MYO10: variants seen among roughly 807,000 people sequenced by gnomAD.
MYO10 encodes the protein unconventional myosin-X.
In MYO10, 133 loss-of-function variants were observed where a neutral mutation model predicts 257.3. The ratio of observed to expected loss-of-function variants is 0.52; its 90% CI spans 0.45 to 0.60. MYO10 has a LOEUF of 0.60. Among genes scored for constraint, MYO10 ranks in the 20% least tolerant of loss-of-function variants. MYO10 has a pLI of 0.00. For missense variants in MYO10, 2,399 were observed against 2,635.7 expected, an observed-to-expected ratio of 0.91 and a Z score of 1.97; for synonymous variants, 1,104 against 1,028.6, an observed-to-expected ratio of 1.07 and a Z score of -1.40.
chr5:16,828,371 C>A (rs76305310), intron 2 of MYO10, among the ~76,000 whole-genome samples: 1 of 151,988 alleles, frequency 6.6e-6, no homozygotes, highest in Admixed American at 6.6e-5. Context: ...TTTGGGAAGA[C>A]GAGGTCAGCA....
chr5:16,699,462 G>C lies in MYO10; in HGVS notation c.3544C>G (p.Leu1182Val). 1 of 1,613,786 alleles carries C rather than the reference G, an allele frequency of 6.2e-7. No homozygotes were observed. Among genetic ancestry groups the C allele is most frequent in the Non-Finnish European group, 8.5e-7 (1 of 1,179,834 alleles). Residue 1182 changes from leucine (L) to valine (V), a missense_variant, in exon 26 of 41, where the codon CTG becomes GTG. This residue lies in a region of MYO10 where 1,820 missense variants were observed against 1,939.4 expected (regional missense o/e 0.94). Transcript: ENST00000513610. The stretch of plus-strand genomic sequence containing the variant: ...GCTGCAGTCATACCTTTCATGTACA[G>C]AAAGCTGTGGAAATACGGCAGAGTG... The part of the protein sequence containing the change: ...CVTLPYFHSF[L>V]YMKGGLMNSW...
intron 39 of MYO10, among the ~76,000 whole-genome samples, chr5:16,668,673 T>C (rs1736293288): frequency 1.3e-5 from 2 of 152,196 alleles, no homozygotes; most frequent in African/African-American, 2.4e-5. Flanking sequence ...TCTCACGCTT[T>C]TGGGAAAACC....
chr5:16,725,078 CTTT>C (rs34100971), intron 19 of MYO10, among the ~76,000 whole-genome samples: 811 of 74,794 alleles, frequency 0.011, no homozygotes, highest in African/African-American at 0.039. Flanking sequence ...CCTTCTTCTT[CTTT>C]TTTTTTTTTT....
Position 16,780,721 on chromosome 5 carries a change from T to A in MYO10, c.741+7A>T, listed in dbSNP as rs770459331. On this transcript the variant is annotated splice_region_variant and intron_variant, in intron 7 of 40. Transcript: ENST00000513610. ...AAGAAAATGTGGATTAAATCACGTT[T>A]ACTTACTTTTTCTAATAAATCTTCA... The A allele has an allele frequency of 6.4e-7, 1 of 1,572,416 alleles. No homozygotes were observed. Among genetic ancestry groups the A allele is most frequent in the South Asian group, 1.2e-5 (1 of 85,562 alleles).
chr5:16,878,877 C>G (rs758888186), intron 1 of MYO10, among the ~76,000 whole-genome samples: 1 of 151,646 alleles, frequency 6.6e-6, no homozygotes. Flanking sequence ...ACAACAGGTA[C>G]AGTGGACACT....
At chr5:16,926,671 C>T (rs982843999) in intron 1 of MYO10, among the ~76,000 whole-genome samples, 1 of 150,518 alleles carries the variant, frequency 6.6e-6, no homozygotes. Flanking sequence ...CACTACACTC[C>T]AGCCTGGGCG....
At chr5:16,699,384 TCAG>T in intron 26 of MYO10, 63 bp downstream of exon 26, 1 of 1,561,802 alleles carries the variant, frequency 6.4e-7, no homozygotes, top group Admixed American at 1.8e-5. Context: ...CCGCCATCCA[TCAG>T]CCCGGATAAA....
At chr5:16,723,278 C>T (rs1739226422) in intron 19 of MYO10, among the ~76,000 whole-genome samples, 1 of 151,952 alleles carries the variant, frequency 6.6e-6, no homozygotes, top group Non-Finnish European at 1.5e-5. Flanking sequence ...GTTCCAGCTA[C>T]TGGGGAGGCT....
At chr5:16,870,078 C>T (rs960494582) in intron 2 of MYO10, among the ~76,000 whole-genome samples, 3 of 151,292 alleles carry the variant, frequency 2.0e-5, no homozygotes, top group Non-Finnish European at 4.4e-5. Context: ...CATGGCTCTG[C>T]TTTTTCTCCA....
chr5:16,699,948 G>T (rs539900905), intron 25 of MYO10, among the ~76,000 whole-genome samples: 2 of 152,146 alleles, frequency 1.3e-5, no homozygotes, highest in Admixed American at 1.3e-4. Flanking sequence ...AGATATACTT[G>T]AATCCAAAGG....
intron 27 of MYO10, among the ~76,000 whole-genome samples, chr5:16,694,106 C>T (rs1003278162): frequency 4.6e-5 from 7 of 152,222 alleles, no homozygotes; most frequent in East Asian, 1.9e-4. Flanking sequence ...CATTCAATTC[C>T]GTTTCCACCA....
At chr5:16,687,671 G>GA (rs1252973425) in intron 28 of MYO10, among the ~76,000 whole-genome samples, 1 of 151,956 alleles carries the variant, frequency 6.6e-6, no homozygotes, top group East Asian at 1.9e-4. Context: ...TCCTAAGGGA[G>GA]AAAAATGTGA....
chr5:16,900,179 G>T (rs1441710436), intron 1 of MYO10, among the ~76,000 whole-genome samples: 1 of 152,118 alleles, frequency 6.6e-6, no homozygotes, highest in East Asian at 1.9e-4. Flanking sequence ...AATTGCACAG[G>T]TCGGTTCCTT....
In MYO10 at chr5:16,880,939, CAT is replaced by C. The variant is rs1350554705; in HGVS notation, c.22-3234_22-3233del. On this transcript the variant is annotated intron_variant, in intron 1 of 40. Coordinates refer to ENST00000513610, the MANE Select transcript of MYO10 (RefSeq NM_012334.3). ...CTTTTTTCGGCCTCTCTTTAATTCACATGTCAGGGACTGCAATATTTGAAAGC... is the reference window on the plus strand; with the variant it reads ...CTTTTTTCGGCCTCTCTTTAATTCACGTCAGGGACTGCAATATTTGAAAGC... Among the ~76,000 whole-genome samples, 5 of 152,322 alleles carry C rather than the reference CAT, an allele frequency of 3.3e-5. No homozygotes were observed. The East Asian group carries it at 9.6e-4, about 29-fold the overall frequency.
chr5:16,910,260 T>G (rs943157310), intron 1 of MYO10, among the ~76,000 whole-genome samples: 3 of 152,172 alleles, frequency 2.0e-5, no homozygotes, highest in Non-Finnish European at 4.4e-5. Flanking sequence ...AAAATAAAAT[T>G]TTTAAAAATC....
intron 3 of MYO10, among the ~76,000 whole-genome samples, chr5:16,810,488 C>T (rs771528402): frequency 6.6e-6 from 1 of 152,162 alleles, no homozygotes; most frequent in Non-Finnish European, 1.5e-5. Context: ...TAGAGAAATT[C>T]TCCTTTCAGA....
Position 16,666,658 on chromosome 5 carries a change from C to A in MYO10, c.*34G>T. On this transcript the variant is annotated 3_prime_UTR_variant, in exon 41 of 41. Coordinates refer to ENST00000513610, the MANE Select transcript of MYO10 (RefSeq NM_012334.3). ...AGCCTAGGCCAGAGGGTGGTGCGTT[C>A]AGGTAGCAAAGACAGGTGGGCTCTG... 1.3e-6 allele frequency: 2 copies of A among 1,545,340 alleles called. No homozygotes were observed. Among genetic ancestry groups the A allele is most frequent in the Non-Finnish European group, 1.8e-6 (2 of 1,142,394 alleles).
intron 27 of MYO10, among the ~76,000 whole-genome samples, chr5:16,692,755 CATA>C (rs1371700265): frequency 6.7e-6 from 1 of 148,486 alleles, no homozygotes; most frequent in Non-Finnish European, 1.5e-5. Context: ...TGAAGTTTTC[CATA>C]ATAACTCACT....
chr5:16,728,378 T>C (rs1561213073), intron 19 of MYO10, among the ~76,000 whole-genome samples: 1 of 152,170 alleles, frequency 6.6e-6, no homozygotes, highest in East Asian at 1.9e-4. Flanking sequence ...CACCAACTCC[T>C]TGGGGATGAG....
Sources: allele counts gnomAD v4.1 joint callset (sites outside exome capture counted in the v4.1 genomes callset), GRCh38; gene constraint gnomAD v4.1.1; regional missense constraint gnomAD v4.1.1; transcripts MANE v1.5; gene names NCBI Gene and HGNC (gene_info 2026-07-23, HGNC 2026-07-21).